Variants in GREB1 observed in about 807,000 individuals in gnomAD.
GREB1 encodes protein GREB1.
In GREB1, 106 loss-of-function variants were observed where a neutral mutation model predicts 200.7. The ratio of observed to expected loss-of-function variants is 0.53; its 90% CI spans 0.45 to 0.62. The LOEUF (loss-of-function observed/expected upper bound fraction) is 0.62. Among genes scored for constraint, GREB1 ranks in the 20% least tolerant of loss-of-function variants. The probability of loss-of-function intolerance (pLI) is 0.00; values close to 1 mark genes in which losing one functional copy is unlikely to be tolerated. For missense variants in GREB1, 2,243 were observed against 2,556.8 expected (o/e 0.88, Z 2.65); for synonymous variants, 1,132 against 1,092.4 (o/e 1.04, Z -0.72).
intron 1 of GREB1, among the ~76,000 whole-genome samples, chr2:11,556,074 T>G (rs1411895932): frequency 6.6e-6 from 1 of 152,194 alleles, no homozygotes; most frequent in Non-Finnish European, 1.5e-5. Context: ...AAAAACATTT[T>G]AAAGGAAGAA....
Position 11,615,130 on chromosome 2 carries a change from C to T in GREB1, c.3162C>T (p.Ser1054=), listed in dbSNP as rs188866955. Residue 1054 remains serine, a synonymous_variant, in exon 20 of 33, where the codon TCC becomes TCT. Coordinates refer to ENST00000381486, the MANE Select transcript of GREB1 (RefSeq NM_014668.4). Reference sequence around the variant, plus strand: ...GTGACCTGCGATTGATAAACTCCTCCTGCTTGGTGAGAACAGCCTTGGAGC... The same window carrying T: ...GTGACCTGCGATTGATAAACTCCTCTTGCTTGGTGAGAACAGCCTTGGAGC... ...RYCDLRLINS[S]CLVRTALEQE... 4.7e-5 allele frequency: 76 copies of T among 1,614,044 alleles called. No individual in the cohort carries two copies. The highest frequency in any genetic ancestry group is 5.9e-5 in the Non-Finnish European group (70 of 1,179,984).
chr2:11,603,781 TCAGACAGTGAGCACA>T lies in GREB1; in HGVS notation c.2666+1242_2666+1256del, dbSNP rs1681995503. Among the ~76,000 whole-genome samples the T allele has an allele frequency of 2.6e-5, 4 of 152,380 alleles. No homozygotes were observed. In the East Asian group the frequency reaches 5.8e-4, roughly 22 times the overall value. ...GCCTTTGCCCTTCCTCTGCTTCTCC[TCAGACAGTGAGCACA>T]CATGATGTGTTTAGTATGTTGTAGA... On this transcript the variant is annotated intron_variant, in intron 17 of 32. Coordinates refer to ENST00000381486, the MANE Select transcript of GREB1 (RefSeq NM_014668.4).
At chr2:11,553,052 A>G (rs1288761036) in intron 1 of GREB1, among the ~76,000 whole-genome samples, 2 of 150,618 alleles carry the variant, frequency 1.3e-5, no homozygotes, top group Non-Finnish European at 2.9e-5. Context: ...ATACTGTTGC[A>G]ATGCCTCCTC....
At chr2:11,488,298 C>T (rs1227267954) in intron 1 of GREB1, among the ~76,000 whole-genome samples, 6 of 152,232 alleles carry the variant, frequency 3.9e-5, no homozygotes, top group East Asian at 1.9e-4. Context: ...TGAAGGTGGC[C>T]GAGGAGTCTG....
chr2:11,554,164 A>G (rs1676208520), intron 1 of GREB1, among the ~76,000 whole-genome samples: 1 of 151,948 alleles, frequency 6.6e-6, no homozygotes, highest in Non-Finnish European at 1.5e-5. Context: ...CTGTTAGGTT[A>G]CTCCGGCTGC....
chr2:11,487,682 G>A (rs1246437828), intron 1 of GREB1, among the ~76,000 whole-genome samples: 1 of 152,196 alleles, frequency 6.6e-6, no homozygotes, highest in Non-Finnish European at 1.5e-5. Flanking sequence ...ACGATTGTGA[G>A]CCTCTGTGTT....
intron 1 of GREB1, among the ~76,000 whole-genome samples, chr2:11,527,277 A>G (rs1483061790): frequency 6.6e-6 from 1 of 152,160 alleles, no homozygotes; most frequent in East Asian, 1.9e-4. Context: ...ATTATTAGAA[A>G]GAAAGAGGCA....
chr2:11,569,220 G>A (rs930043339), intron 4 of GREB1, among the ~76,000 whole-genome samples: 12 of 152,286 alleles, frequency 7.9e-5, no homozygotes, highest in Middle Eastern at 3.4e-3. Flanking sequence ...TTTTTTCTTA[G>A]ATGGGAGTAA....
At position 11,492,274 on chromosome 2, in the gene GREB1, T is replaced by C. The variant is rs1376954550; in HGVS notation, c.-159+9893T>C. Among the ~76,000 whole-genome samples the C allele has an allele frequency of 6.6e-6, 1 of 152,236 alleles. No individual in the cohort carries two copies. The highest frequency in any genetic ancestry group is 1.5e-5 in the Non-Finnish European group (1 of 68,036). On this transcript the variant is annotated intron_variant, in intron 1 of 2. Coordinates refer to the GREB1 transcript ENST00000628795. This position sits in a 1 kb window ranked among gnomAD's most constrained non-coding sequence, Gnocchi z 4.0. ...TAGAAGCAACCATGCCACATTTGGC[T>C]AAGTCTGAAGTTAGGACAAAAACAT... is the stretch of plus-strand genomic sequence containing the variant.
intron 1 of GREB1, among the ~76,000 whole-genome samples, chr2:11,501,450 G>A (rs1439902846): frequency 6.6e-6 from 1 of 152,094 alleles, no homozygotes; most frequent in Non-Finnish European, 1.5e-5. Flanking sequence ...CTGGAGTGCA[G>A]TGGTGCGATC....
chr2:11,594,456 G>T (rs1450039034), intron 11 of GREB1, among the ~76,000 whole-genome samples: 1 of 150,850 alleles, frequency 6.6e-6, no homozygotes, highest in Non-Finnish European at 1.5e-5. Flanking sequence ...CCAAGTTCAA[G>T]CAATTCTTTT....
chr2:11,630,086 C>A lies in GREB1; in HGVS notation c.4588C>A (p.Arg1530=). 6.2e-7 allele frequency: 1 copy of A among 1,614,152 alleles called. No homozygotes were observed. The highest frequency in any genetic ancestry group is 1.3e-5 in the African/African-American group (1 of 75,054). The change falls in exon 26 of 33, where the codon CGA becomes AGA. Residue 1530 remains arginine, a synonymous_variant. Transcript: ENST00000381486. ...ACCTGGAGGCCAGCTGGAGAGCATG[C>A]GACTACCCCTCGTGACAGACAAGGT... ...SQPGGQLESM[R]LPLVTDKSHE...
At position 11,637,815 on chromosome 2, in the gene GREB1, A is replaced by G. The variant is rs1372986348; in HGVS notation, c.5446A>G (p.Lys1816Glu). The G allele has an allele frequency of 6.2e-7, 1 of 1,614,016 alleles. No homozygotes were observed. The change falls in exon 31 of 33, where the codon AAG becomes GAG. Residue 1816 changes from lysine to glutamate, a missense_variant. Coordinates refer to ENST00000381486, the MANE Select transcript of GREB1 (RefSeq NM_014668.4). Reference sequence around the variant, plus strand: ...AGCGCCCGCCCAGCTCCTGCTGGAGAAGTTCCTGCAGCACCACAGCCACCT... The same window carrying G: ...AGCGCCCGCCCAGCTCCTGCTGGAGGAGTTCCTGCAGCACCACAGCCACCT... ...LAAPAQLLLE[K>E]FLQHHSHLFF...
In GREB1 at chr2:11,592,823, C is replaced by A; in HGVS notation, c.1393C>A (p.Arg465Ser). 6.3e-7 allele frequency: 1 copy of A among 1,584,394 alleles called. No homozygotes were observed. The highest frequency in any genetic ancestry group is 2.3e-5 in the East Asian group (1 of 43,460). Residue 465 changes from arginine (R) to serine (S), a missense_variant, in exon 11 of 33, where the codon CGC becomes AGC. Arg to Ser is a moderately radical substitution (Grantham distance 110). Around this residue, in one of 3 missense-constraint regions of GREB1, gnomAD observed 1,178 missense variants for 1,387.4 expected, o/e 0.85. Transcript: ENST00000381486. ...GGAGGACCTGGAGCAGATCTTCCTG[C>A]GCTCTTGGCGCGAGTCGCACCTGAC... ...LMEDLEQIFL[R>S]SWRESHLTEI...
intron 12 of GREB1, 103 bp from the exon 13 acceptor site, chr2:11,596,008 A>G (rs946828260): frequency 7.0e-6 from 8 of 1,139,748 alleles, no homozygotes; most frequent in African/African-American, 4.6e-5. Context: ...CTTTACCTTC[A>G]TGACTCCAGG....
chr2:11,543,372 A>T (rs187100836), intron 1 of GREB1, among the ~76,000 whole-genome samples: 35 of 152,374 alleles, frequency 2.3e-4, no homozygotes, highest in African/African-American at 8.2e-4. Context: ...TTCCAATTTT[A>T]GAGAGGAAAC....
At chr2:11,598,085 A>G in intron 14 of GREB1, 107 bp downstream of exon 14, 1 of 822,914 alleles carries the variant, frequency 1.2e-6, no homozygotes, top group East Asian at 2.4e-5. Context: ...TAGGGCAAGT[A>G]TTGCTGCTCT....
Position 11,592,966 on chromosome 2 carries a change from C to T in GREB1, c.1536C>T (p.Cys512=), listed in dbSNP as rs748928697. 1.3e-6 allele frequency: 2 copies of T among 1,597,704 alleles called. No individual in the cohort carries two copies. The highest frequency in any genetic ancestry group is 2.2e-5 in the South Asian group (2 of 88,968). Residue 512 remains cysteine, a synonymous_variant, in exon 11 of 33, where the codon TGC becomes TGT. Transcript: ENST00000381486. ...TGGCCAGCCTGGCCGCCAGCTCCTG[C>T]AACGACAGCGTGCACGTCATCGAGT... is the stretch of plus-strand genomic sequence containing the variant. ...PWLASLAASS[C]NDSVHVIECA...
At chr2:11,512,717 GA>G (rs1450592022) in intron 1 of GREB1, among the ~76,000 whole-genome samples, 1 of 152,198 alleles carries the variant, frequency 6.6e-6, no homozygotes, top group African/African-American at 2.4e-5. Context: ...TGACAAAGAG[GA>G]TAAGACCTCT....
Sources: gnomAD v4.1 joint callset for allele counts (sites outside exome capture counted in the v4.1 genomes callset) on GRCh38, gnomAD v4.1.1 for gene constraint, gnomAD v4.1.1 regional missense constraint, Gnocchi (gnomAD v3.1) non-coding constraint, MANE v1.5 for transcripts, NCBI Gene and HGNC (gene_info 2026-07-23, HGNC 2026-07-21) for gene names.